PTPRT: variants seen among roughly 807,000 people sequenced by gnomAD.
PTPRT encodes protein tyrosine phosphatase receptor type T, also known as receptor-type tyrosine-protein phosphatase T.
PTPRT carries 56 observed loss-of-function variants against 176.8 expected under a neutral mutation model. That is an observed-to-expected ratio of 0.32 (90% CI 0.26 to 0.40). The LOEUF (loss-of-function observed/expected upper bound fraction) is 0.40. Ranked by LOEUF, PTPRT falls within the 10% of genes least tolerant of loss-of-function variation. The pLI is 1.00. For synonymous variants in PTPRT, 783 were observed against 739.0 expected (o/e 1.06, Z -0.96); for missense variants, 1,540 against 1,908.2 (o/e 0.81, Z 3.60).
chr20:42,078,872 A>AGTGCTCCT lies in PTPRT; in HGVS notation c.*2006_*2007insAGGAGCAC. 5.7e-6 allele frequency: 1 copy of AGTGCTCCT among 175,058 alleles called. No individual in the cohort carries two copies. The highest frequency in any genetic ancestry group is 1.2e-5 in the Non-Finnish European group (1 of 81,198). The allele number at this position is 175,058 out of a possible 1,614,324, so 10.8% of individuals were successfully genotyped here. On this transcript the variant is annotated 3_prime_UTR_variant, in exon 31 of 31. Coordinates refer to ENST00000373187, the MANE Select transcript of PTPRT (RefSeq NM_007050.6). ...CCCTTCTCCAGGAAGCCCGAGGCCG[A>AGTGCTCCT]AGAGACTTTCTTGCTCCTAGGCTCA...
chr20:42,053,987 G>A, the PTPRT span, among the ~76,000 whole-genome samples: 3 of 152,268 alleles, frequency 2.0e-5, no homozygotes, highest in South Asian at 2.1e-4. Flanking sequence ...TCAGTCTGGG[G>A]TCTGATGTCA....
At chr20:42,480,329 A>G in intron 7 of PTPRT, among the ~76,000 whole-genome samples, 1 of 152,160 alleles carries the variant, frequency 6.6e-6, no homozygotes. Flanking sequence ...TCAAACCCAG[A>G]GTGGGAGGTG....
rs1268770774 is a variant in PTPRT, at chr20:42,954,418, G to C, written c.89-68486C>G. The stretch of plus-strand genomic sequence containing the variant: ...CAAATCTCCCTCCCCTGGTCCAGGA[G>C]GACAGCATCCCAGCACCTCTTATCA... On this transcript the variant is annotated intron_variant, in intron 1 of 30. Coordinates refer to ENST00000373187, the MANE Select transcript of PTPRT (RefSeq NM_007050.6). Among the ~76,000 whole-genome samples the C allele has an allele frequency of 3.3e-5, 5 of 152,258 alleles. No individual in the cohort carries two copies. The East Asian group carries it at 9.7e-4, about 29-fold the overall frequency.
rs1008829751 is a variant in PTPRT, at chr20:42,799,405, G to A, written c.215-7939C>T. 5.9e-5 allele frequency among the ~76,000 whole-genome samples: 9 copies of A among 152,272 alleles called. No homozygotes were observed. The East Asian group carries it at 1.7e-3, about 29-fold the overall frequency. On this transcript the variant is annotated intron_variant, in intron 2 of 30. Transcript: ENST00000373187. ...ACTTTTTACCCAGCATACTTCTTCT[G>A]GTCCTTCCAATGATGATGTGATGAA...
At chr20:42,356,758 C>T (rs547134883) in intron 9 of PTPRT, among the ~76,000 whole-genome samples, 1 of 152,266 alleles carries the variant, frequency 6.6e-6, no homozygotes, top group Non-Finnish European at 1.5e-5. Flanking sequence ...CCAGAGCTCT[C>T]AGGATGAAGA....
At chr20:42,537,456 T>C (rs2145566096) in intron 7 of PTPRT, among the ~76,000 whole-genome samples, 1 of 152,348 alleles carries the variant, frequency 6.6e-6, no homozygotes, top group East Asian at 1.9e-4. Context: ...TTATTGTGTG[T>C]CTACTCTGAT....
intron 15 of PTPRT, among the ~76,000 whole-genome samples, chr20:42,220,910 C>T (rs1054349502): frequency 3.9e-5 from 6 of 152,164 alleles, no homozygotes; most frequent in Non-Finnish European, 8.8e-5. Flanking sequence ...AAATTTCATA[C>T]CAATTGTGAA....
At chr20:42,044,434 G>A in the PTPRT span, among the ~76,000 whole-genome samples, 2 of 152,286 alleles carry the variant, frequency 1.3e-5, no homozygotes, top group Non-Finnish European at 2.9e-5. Context: ...CACACCAATC[G>A]AGAGGACTCA....
chr20:42,314,311 G>C (rs1410051612), intron 12 of PTPRT, among the ~76,000 whole-genome samples: 1 of 152,026 alleles, frequency 6.6e-6, no homozygotes, highest in Non-Finnish European at 1.5e-5. Context: ...GGCAGATCAC[G>C]AGGTCAGGAG....
chr20:42,197,968 T>C (rs1991299056), intron 16 of PTPRT, among the ~76,000 whole-genome samples: 1 of 152,208 alleles, frequency 6.6e-6, no homozygotes, highest in Non-Finnish European at 1.5e-5. Flanking sequence ...TGGGTGCCTA[T>C]GAGAACTCTC....
intron 2 of PTPRT, among the ~76,000 whole-genome samples, chr20:42,876,947 G>T (rs2078942284): frequency 6.6e-6 from 1 of 152,140 alleles, no homozygotes; most frequent in Admixed American, 6.5e-5. Context: ...TTGTGCCGGG[G>T]TTTGATTTAG....
chr20:42,066,021 T>C, the PTPRT span, among the ~76,000 whole-genome samples: 3 of 149,980 alleles, frequency 2.0e-5, no homozygotes, highest in Admixed American at 2.0e-4. Context: ...ATAGGCTACT[T>C]GGACTTAGTA....
chr20:43,077,174 A>G (rs2011300712), intron 1 of PTPRT, among the ~76,000 whole-genome samples: 1 of 152,234 alleles, frequency 6.6e-6, no homozygotes, highest in Non-Finnish European at 1.5e-5. Context: ...AGAAAAAAAG[A>G]GTGTAAGATT....
chr20:42,652,070 AC>A (rs2075042090), intron 7 of PTPRT, among the ~76,000 whole-genome samples: 1 of 148,790 alleles, frequency 6.7e-6, no homozygotes, highest in South Asian at 2.1e-4. Context: ...ACAAAAACAA[AC>A]AAAAAAAACA....
At chr20:42,573,749 C>CTTTTTTTTTT (rs150938657) in intron 7 of PTPRT, among the ~76,000 whole-genome samples, 3 of 112,584 alleles carry the variant, frequency 2.7e-5, no homozygotes, top group African/African-American at 1.0e-4. Context: ...TTCTTTCTTT[C>CTTTTTTTTTT]TTTTTTTTTT....
At chr20:42,705,105 T>C (rs1384986922) in intron 6 of PTPRT, among the ~76,000 whole-genome samples, 1 of 152,066 alleles carries the variant, frequency 6.6e-6, no homozygotes, top group East Asian at 1.9e-4. Context: ...CTCAGGAGGC[T>C]GAGGCAGGAG....
chr20:42,946,848 T>G (rs1367375075), intron 1 of PTPRT, among the ~76,000 whole-genome samples: 4 of 152,170 alleles, frequency 2.6e-5, no homozygotes, highest in Non-Finnish European at 2.9e-5. Context: ...GCCCTGGGGT[T>G]GTCCTGTGAA....
At chr20:43,006,758 C>T (rs1249136943) in intron 1 of PTPRT, among the ~76,000 whole-genome samples, 2 of 152,194 alleles carry the variant, frequency 1.3e-5, no homozygotes, top group Non-Finnish European at 2.9e-5. Flanking sequence ...ACCGACCCTC[C>T]GCTGCTCAGC....
chr20:43,163,129 C>T (rs2014745313), intron 1 of PTPRT, among the ~76,000 whole-genome samples: 2 of 152,190 alleles, frequency 1.3e-5, no homozygotes, highest in South Asian at 2.1e-4. Context: ...GCAATCCTTA[C>T]AAAAGTTTGC....
Sources: gnomAD v4.1 joint callset for allele counts (sites outside exome capture counted in the v4.1 genomes callset) on GRCh38, gnomAD v4.1.1 for gene constraint, MANE v1.5 for transcripts, NCBI Gene and HGNC (gene_info 2026-07-23, HGNC 2026-07-21) for gene names.